The following NKAIN2 variants were observed in gnomAD, a reference collection of about 807,000 sequenced individuals.
NKAIN2 encodes sodium/potassium transporting ATPase interacting 2, also known as sodium/potassium-transporting ATPase subunit beta-1-interacting protein 2.
Under a neutral mutation model 32.6 loss-of-function variants are expected in NKAIN2, and 14 were observed. The ratio of observed to expected loss-of-function variants is 0.43; its 90% CI spans 0.28 to 0.67. The LOEUF (loss-of-function observed/expected upper bound fraction) is 0.67. NKAIN2 is among the 30% of genes least tolerant of loss of function. The pLI is 0.17. For synonymous variants in NKAIN2, 80 were observed against 87.2 expected, an observed-to-expected ratio of 0.92 and a Z score of 0.46; for missense variants, 198 against 258.3, an observed-to-expected ratio of 0.77 and a Z score of 1.60.
At chr6:124,299,515 T>C (rs1433269736) in intron 2 of NKAIN2, among the ~76,000 whole-genome samples, 1 of 152,176 alleles carries the variant, frequency 6.6e-6, no homozygotes, top group Non-Finnish European at 1.5e-5. Flanking sequence ...TCCTTGACGA[T>C]TCATGATGTA....
At chr6:124,795,521 A>G (rs767362346) in intron 5 of NKAIN2, among the ~76,000 whole-genome samples, 3 of 152,088 alleles carry the variant, frequency 2.0e-5, no homozygotes, top group Non-Finnish European at 2.9e-5. Flanking sequence ...GCAGTATCTC[A>G]TTACTCTTCT....
At chr6:124,364,059 G>A (rs1799409586) in intron 3 of NKAIN2, among the ~76,000 whole-genome samples, 1 of 151,754 alleles carries the variant, frequency 6.6e-6, no homozygotes, top group Non-Finnish European at 1.5e-5. Flanking sequence ...CAGAGAACTG[G>A]AATTTATGTA....
chr6:124,451,225 A>G (rs1419102506), intron 3 of NKAIN2, among the ~76,000 whole-genome samples: 1 of 152,138 alleles, frequency 6.6e-6, no homozygotes, highest in Non-Finnish European at 1.5e-5. Flanking sequence ...CTTTAGGCCC[A>G]TTGATTTTTA....
intron 5 of NKAIN2, among the ~76,000 whole-genome samples, chr6:124,810,075 C>G (rs1191188371): frequency 2.0e-5 from 3 of 152,034 alleles, no homozygotes; most frequent in African/African-American, 7.2e-5. Flanking sequence ...GTCAGTGTGG[C>G]GATTCCTCAG....
intron 3 of NKAIN2, among the ~76,000 whole-genome samples, chr6:124,356,590 C>T (rs895616960): frequency 8.5e-5 from 13 of 152,096 alleles, no homozygotes; most frequent in South Asian, 2.1e-4. Flanking sequence ...TGCAGGGCAT[C>T]GTTCCCCACA....
chr6:124,777,282 AG>A (rs1779021021), intron 4 of NKAIN2, among the ~76,000 whole-genome samples: 1 of 152,190 alleles, frequency 6.6e-6, no homozygotes, highest in Non-Finnish European at 1.5e-5. Context: ...CATGGATGCC[AG>A]GGAGAATGTA....
chr6:124,220,537 G>GTATATATATATATA (rs3055327), intron 1 of NKAIN2, among the ~76,000 whole-genome samples: 1 of 148,114 alleles, frequency 6.8e-6, no homozygotes, highest in Admixed American at 6.8e-5. Flanking sequence ...ACATACATAT[G>GTATATATATATATA]TATATATATA....
At chr6:124,673,064 T>C (rs928462934) in intron 4 of NKAIN2, among the ~76,000 whole-genome samples, 5 of 152,062 alleles carry the variant, frequency 3.3e-5, no homozygotes. Context: ...CCCAAGCTTC[T>C]GGCACCCACC....
intron 3 of NKAIN2, among the ~76,000 whole-genome samples, chr6:124,598,148 G>A (rs1385777909): frequency 6.6e-6 from 1 of 152,168 alleles, no homozygotes; most frequent in Non-Finnish European, 1.5e-5. Context: ...AGAAACTACA[G>A]TTGGAACCAT....
intron 5 of NKAIN2, among the ~76,000 whole-genome samples, chr6:124,796,359 A>G (rs779704840): frequency 6.6e-5 from 10 of 152,136 alleles, no homozygotes; most frequent in Non-Finnish European, 1.2e-4. Flanking sequence ...TCAAAGGGCC[A>G]ATTTCCAAAT....
intron 1 of NKAIN2, among the ~76,000 whole-genome samples, chr6:123,949,301 T>C (rs531682626): frequency 2.6e-5 from 4 of 152,096 alleles, no homozygotes; most frequent in South Asian, 4.1e-4. Flanking sequence ...TTTGGTTTCA[T>C]ATGAATAGTA....
chr6:123,991,885 T>C (rs1033472374), intron 1 of NKAIN2, among the ~76,000 whole-genome samples: 4 of 151,800 alleles, frequency 2.6e-5, no homozygotes, highest in African/African-American at 9.7e-5. Flanking sequence ...TGTGTATATA[T>C]ATACATATAT....
At chr6:124,612,458 AT>A in intron 3 of NKAIN2, among the ~76,000 whole-genome samples, 1 of 152,312 alleles carries the variant, frequency 6.6e-6, no homozygotes, top group East Asian at 1.9e-4. Context: ...AAAGAGAAAT[AT>A]TCAAAGATGG....
chr6:124,356,979 A>G (rs552168281), intron 3 of NKAIN2, among the ~76,000 whole-genome samples: 8 of 152,260 alleles, frequency 5.3e-5, no homozygotes, highest in South Asian at 2.1e-4. Flanking sequence ...TGGCTGCACA[A>G]AAGTTCTGTA....
chr6:124,208,126 C>T (rs1378503477), intron 1 of NKAIN2, among the ~76,000 whole-genome samples: 1 of 151,762 alleles, frequency 6.6e-6, no homozygotes, highest in Non-Finnish European at 1.5e-5. Flanking sequence ...CTGTAGGCTA[C>T]AATAGACTTG....
chr6:124,190,541 C>T lies in NKAIN2; in HGVS notation c.55-92464C>T, dbSNP rs78962411. 5.6e-3 allele frequency among the ~76,000 whole-genome samples: 850 copies of T among 152,294 alleles called. 6 individuals carry two copies. Among genetic ancestry groups the T allele is most frequent in the Non-Finnish European group, 6.5e-3 (445 of 68,014 alleles). Reference sequence around the variant, plus strand: ...TTTGTTGGAAGGATGTGTTCTTTTACAGTGGCTCTATAATTGGCATTTAAA... The same window carrying T: ...TTTGTTGGAAGGATGTGTTCTTTTATAGTGGCTCTATAATTGGCATTTAAA... On this transcript the variant is annotated intron_variant, in intron 1 of 6. Coordinates refer to ENST00000368417, the MANE Select transcript of NKAIN2 (RefSeq NM_001040214.3).
intron 3 of NKAIN2, among the ~76,000 whole-genome samples, chr6:124,400,510 T>C (rs1042246573): frequency 9.2e-5 from 14 of 152,150 alleles, no homozygotes; most frequent in Admixed American, 1.3e-4. Flanking sequence ...CAAAGAGAAA[T>C]ACTTGGCATG....
intron 4 of NKAIN2, among the ~76,000 whole-genome samples, chr6:124,778,506 G>A: frequency 6.6e-6 from 1 of 151,852 alleles, no homozygotes; most frequent in East Asian, 1.9e-4. Context: ...TTTGGCAAGT[G>A]TATAATAAAA....
chr6:124,520,980 A>G (rs1583379108), intron 3 of NKAIN2, among the ~76,000 whole-genome samples: 3 of 152,210 alleles, frequency 2.0e-5, no homozygotes, highest in African/African-American at 7.2e-5. Context: ...TGAACTTGTA[A>G]TCTGGGTCCT....
Sources: allele counts gnomAD v4.1 joint callset (sites outside exome capture counted in the v4.1 genomes callset), GRCh38; gene constraint gnomAD v4.1.1; transcripts MANE v1.5; gene names NCBI Gene and HGNC (gene_info 2026-07-23, HGNC 2026-07-21).